Variants in TAF1C observed in about 807,000 individuals in gnomAD.
TAF1C encodes the protein TATA box-binding protein-associated factor RNA polymerase I subunit C.
TAF1C carries 79 observed loss-of-function variants against 70.5 expected under a neutral mutation model. The observed-to-expected ratio is 1.12, with a 90% CI of 0.93 to 1.35. TAF1C has a LOEUF of 1.35. Ranked by LOEUF, TAF1C falls within the 40% of genes most tolerant of loss-of-function variation. TAF1C has a pLI of 0.00. For missense variants in TAF1C, 1,412 were observed against 1,127.8 expected (o/e 1.25, Z -3.61); for synonymous variants, 614 against 491.1 (o/e 1.25, Z -3.31).
chr16:84,184,490 T>A lies in TAF1C; in HGVS notation c.138+361A>T, dbSNP rs142033973. ...CCTCTCCCAACCCTACTATGCTGTT[T>A]CAGCATCCTTCTGCTTTCATTCCAA... On this transcript the variant is annotated intron_variant, in intron 2 of 14. Coordinates refer to ENST00000566732, the MANE Select transcript of TAF1C (RefSeq NM_001243156.2). Among the ~76,000 whole-genome samples, 189 of 152,320 alleles carry A rather than the reference T, an allele frequency of 1.2e-3. 1 individual carries two copies. The highest frequency in any genetic ancestry group is 4.4e-3 in the African/African-American group (185 of 41,574).
At chr16:84,181,560 A>AG (rs2089195744) in intron 10 of TAF1C, 32 bp downstream of exon 10, 2 of 1,613,784 alleles carry the variant, frequency 1.2e-6, no homozygotes. Context: ...TCAGTTCGTT[A>AG]GGGTGGGGGG....
chr16:84,182,153 C>G lies in TAF1C; in HGVS notation c.721+49G>C, dbSNP rs752769668. On this transcript the variant is annotated intron_variant, in intron 7 of 14. Transcript: ENST00000566732. This position sits in a 1 kb window ranked among gnomAD's most constrained non-coding sequence, Gnocchi z 5.0. Reference sequence around the variant, plus strand: ...CTGGACCATGCCAAGAGCACCTCCTCTACCAGAGGCGAGCCCGCTGGAATC... The same window carrying G: ...CTGGACCATGCCAAGAGCACCTCCTGTACCAGAGGCGAGCCCGCTGGAATC... The G allele has an allele frequency of 1.3e-6, 2 of 1,591,948 alleles. No homozygotes were observed. Among genetic ancestry groups the G allele is most frequent in the Non-Finnish European group, 1.7e-6 (2 of 1,167,428 alleles).
At position 84,181,657 on chromosome 16, in the gene TAF1C, G is replaced by C. The variant is rs540320920; in HGVS notation, c.963C>G (p.His321Gln). ...TGCAGATGGCCAGCTCCCCGGGCAG[G>C]TGAGGGCTACAGGGCAGGAATGCAT... is the stretch of plus-strand genomic sequence containing the variant. Reference protein sequence around the residue: ...KGATGISLSPHLPGELAICSR... With the variant: ...KGATGISLSPQLPGELAICSR... The change falls in exon 10 of 15, where the codon CAC (histidine) becomes CAG (glutamine). Residue 321 changes from histidine to glutamine, a missense_variant. By Grantham distance (24) the His-to-Gln change is conservative. Transcript: ENST00000566732. 4 of 1,613,960 alleles carry C rather than the reference G, an allele frequency of 2.5e-6. No homozygotes were observed. In the African/African-American group the frequency reaches 4.0e-5, roughly 16 times the overall value.
In TAF1C at chr16:84,182,074, AG is replaced by A. The variant is rs2089231292; in HGVS notation, c.722-17del. 1.9e-6 allele frequency: 3 copies of A among 1,612,086 alleles called. No individual in the cohort carries two copies. In the South Asian group the frequency reaches 3.3e-5, roughly 18 times the overall value. Reference sequence around the variant, plus strand: ...TCTTGGAAATCTGGGCCTCTCACTAAGGATCAGTGCACGAGCTATGATCACT... The same window carrying A: ...TCTTGGAAATCTGGGCCTCTCACTAAGATCAGTGCACGAGCTATGATCACT... On this transcript the variant is annotated splice_polypyrimidine_tract_variant and intron_variant, in intron 7 of 14. Transcript: ENST00000566732. The surrounding 1 kb of genome is among the most constrained non-coding windows in gnomAD (Gnocchi z 5.0).
At chr16:84,180,477 C>A (rs1328055005) in intron 12 of TAF1C, 133 bp from the exon 13 acceptor site, 3 of 958,994 alleles carry the variant, frequency 3.1e-6, no homozygotes, top group South Asian at 1.7e-5. Context: ...TCAGCCTCCA[C>A]GTGCCTCTCA....
intron 1 of TAF1C, among the ~76,000 whole-genome samples, chr16:84,186,664 A>G (rs1305645095): frequency 6.6e-6 from 1 of 152,252 alleles, no homozygotes; most frequent in Non-Finnish European, 1.5e-5. Flanking sequence ...GCCCTCAGAC[A>G]AGGCAGCCTC....
chr16:84,186,629 T>C (rs1049448330), intron 1 of TAF1C, among the ~76,000 whole-genome samples: 4 of 152,224 alleles, frequency 2.6e-5, no homozygotes, highest in Admixed American at 1.3e-4. Context: ...CGGAGGGCGC[T>C]GGTGGAGAGC....
At position 84,183,524 on chromosome 16, in the gene TAF1C, G is replaced by A. The variant is rs188024838; in HGVS notation, c.221-17C>T. 4,721 of 1,600,872 alleles carry A rather than the reference G, an allele frequency of 2.9e-3. 31 individuals carry two copies. Among genetic ancestry groups the A allele is most frequent in the South Asian group, 0.011 (1,005 of 89,204 alleles). On this transcript the variant is annotated splice_polypyrimidine_tract_variant and intron_variant, in intron 3 of 14. Transcript: ENST00000566732. The stretch of plus-strand genomic sequence containing the variant: ...CCCAGGGATCTGAGAAGGAGGTTAC[G>A]GAAAGGGCTGGGGAGGGCACAGGAG...
chr16:84,185,456 G>C (rs4150123), intron 1 of TAF1C: 1 of 154,136 alleles, frequency 6.5e-6, no homozygotes, highest in Non-Finnish European at 1.4e-5. Context: ...CCTCTCTCCC[G>C]GCTCGTAAGT....
In TAF1C at chr16:84,178,042, C is replaced by T. The variant is rs577559079; in HGVS notation, c.*899G>A. Reference sequence around the variant, plus strand: ...CATCAGAAACCAGACAGACCCGGGTCCCTGCAAAATCTCAAGTGAGCATTT... The same window carrying T: ...CATCAGAAACCAGACAGACCCGGGTTCCTGCAAAATCTCAAGTGAGCATTT... On this transcript the variant is annotated 3_prime_UTR_variant, in exon 15 of 15. Coordinates refer to ENST00000566732, the MANE Select transcript of TAF1C (RefSeq NM_001243156.2). 8.7e-6 allele frequency: 5 copies of T among 576,654 alleles called. No homozygotes were observed. In the South Asian group the frequency reaches 9.1e-5, roughly 11 times the overall value. The allele number at this position is 576,654 out of a possible 1,614,324, so 35.7% of individuals were successfully genotyped here. A position where few individuals can be genotyped will look rare whatever the true frequency, so the allele number is the denominator to read the frequency against.
chr16:84,185,098 C>T, intron 1 of TAF1C, 38 bp from the exon 2 acceptor site: 1 of 1,347,184 alleles, frequency 7.4e-7, no homozygotes, highest in Non-Finnish European at 1.0e-6. Flanking sequence ...AGCATATGTT[C>T]TTTGAGGAAG....
In TAF1C at chr16:84,182,289, T is replaced by C. The variant is rs767696268; in HGVS notation, c.634A>G (p.Thr212Ala). ...GGAACCCAGGCCAGCGCGCCCCCAG[T>C]GCAGGCCTCATCCAGAAGCAGCTGC... is the stretch of plus-strand genomic sequence containing the variant. ...WEQLLLDEAC[T>A]GGALAWVPGR... Residue 212 changes from threonine to alanine, a missense_variant, in exon 7 of 15, where the codon ACT (threonine) becomes GCT (alanine). Physicochemically the swap from Thr to Ala is moderately conservative, Grantham distance 58. Coordinates refer to ENST00000566732, the MANE Select transcript of TAF1C (RefSeq NM_001243156.2). The surrounding 1 kb of genome is among the most constrained non-coding windows in gnomAD (Gnocchi z 5.0). 1.9e-5 allele frequency: 30 copies of C among 1,612,886 alleles called. No homozygotes were observed. Among genetic ancestry groups the C allele is most frequent in the Middle Eastern group, 1.6e-4 (1 of 6,082 alleles).
In TAF1C at chr16:84,185,083, C is replaced by T. The variant is rs561584080; in HGVS notation, c.-72-23G>A. ...TTCCTGAGGAGTGAAAAGTGCACTA[C>T]GGGAAGCATATGTTCTTTGAGGAAG... is the stretch of plus-strand genomic sequence containing the variant. On this transcript the variant is annotated intron_variant, in intron 1 of 14. Transcript: ENST00000566732. The T allele has an allele frequency of 3.6e-5, 51 of 1,430,034 alleles. 1 individual carries two copies. In the South Asian group the frequency reaches 4.7e-4, roughly 13 times the overall value. 88.6% of individuals were successfully genotyped at this position (1,430,034 alleles called of 1,614,324 possible).
chr16:84,180,228 G>T lies in TAF1C; in HGVS notation c.1425C>A (p.Cys475Ter). ...ARLLPPPRPS[C>*]VQPLLLGGQG... Reference sequence around the variant, plus strand: ...GGCCTCCGAGGAGCAGGGGCTGCACGCAGCTGGGCCGGGGCGGAGGCAGCA... The same window carrying T: ...GGCCTCCGAGGAGCAGGGGCTGCACTCAGCTGGGCCGGGGCGGAGGCAGCA... Residue 475 changes from cysteine (C) to a stop codon, truncating the protein, a stop_gained, in exon 13 of 15, where the codon TGC becomes TGA. Coordinates refer to ENST00000566732, the MANE Select transcript of TAF1C (RefSeq NM_001243156.2). LOFTEE classifies it high-confidence loss of function. 6.5e-7 allele frequency: 1 copy of T among 1,539,128 alleles called. No homozygotes were observed.
rs375408350 is a variant in TAF1C, at chr16:84,179,504, G to A, written c.1969C>T (p.Arg657Cys). ...AGCTGCCCTCGGGCCATGGCCTTGC[G>A]GAGCACACCCAGCCGCTGCCCTTCC... ...EEEGQRLGVL[R>C]KAMARGQLLL... The change falls in exon 15 of 15, where the codon CGC (arginine) becomes TGC (cysteine). Residue 657 changes from arginine to cysteine, a missense_variant. Transcript: ENST00000566732. The A allele has an allele frequency of 1.0e-5, 16 of 1,603,240 alleles. No homozygotes were observed. The highest frequency in any genetic ancestry group is 3.3e-4 in the Middle Eastern group (2 of 6,006).
At position 84,182,973 on chromosome 16, in the gene TAF1C, G is replaced by T; in HGVS notation, c.482+103C>A. ...ACAGCTCAGACTGCATGGAGCAGGG[G>T]GGAAGTGGGTATGACGGAAAGCTGT... On this transcript the variant is annotated intron_variant, in intron 6 of 14. Coordinates refer to ENST00000566732, the MANE Select transcript of TAF1C (RefSeq NM_001243156.2). The surrounding 1 kb of genome is among the most constrained non-coding windows in gnomAD (Gnocchi z 5.0). The T allele has an allele frequency of 8.7e-7, 1 of 1,148,332 alleles. No homozygotes were observed. The highest frequency in any genetic ancestry group is 1.3e-6 in the Non-Finnish European group (1 of 765,366). The allele number at this position is 1,148,332 out of a possible 1,614,324, so 71.1% of individuals were successfully genotyped here.
chr16:84,180,728 G>T lies in TAF1C; in HGVS notation c.1308+315C>A, dbSNP rs146615943. 2.4e-4 allele frequency: 272 copies of T among 1,145,410 alleles called. 2 individuals carry two copies. Among genetic ancestry groups the T allele is most frequent in the African/African-American group, 2.0e-3 (124 of 63,530 alleles). 71.0% of individuals were successfully genotyped at this position (1,145,410 alleles called of 1,614,324 possible). On this transcript the variant is annotated intron_variant, in intron 12 of 14. Coordinates refer to ENST00000566732, the MANE Select transcript of TAF1C (RefSeq NM_001243156.2). ...GGTGGAGGACAGACCTGCTTCCTCAGAGCCCCCGCCTCCTGCACAGCAGAA... is the reference window on the plus strand; with the variant it reads ...GGTGGAGGACAGACCTGCTTCCTCATAGCCCCCGCCTCCTGCACAGCAGAA...
rs2089070436 is a variant in TAF1C at position 84,180,267 on chromosome 16, G to C, written c.1386C>G (p.Leu462=). The stretch of plus-strand genomic sequence containing the variant: ...GCGGAGGCAGCAGTCGGGCCAGCAG[G>C]AGCGGGGAGGGGAGGCCATGGTTCC... The part of the protein sequence containing the change: ...LKWNHGLPSP[L]LLARLLPPPR... The change falls in exon 13 of 15, where the codon CTC becomes CTG. Residue 462 remains leucine (L), a synonymous_variant. Coordinates refer to ENST00000566732, the MANE Select transcript of TAF1C (RefSeq NM_001243156.2). The C allele has an allele frequency of 6.5e-7, 1 of 1,548,498 alleles. No homozygotes were observed. Among genetic ancestry groups the C allele is most frequent in the Non-Finnish European group, 8.7e-7 (1 of 1,148,312 alleles).
At position 84,183,431 on chromosome 16, in the gene TAF1C, G is replaced by C; in HGVS notation, c.297C>G (p.Val99=). 1.2e-6 allele frequency: 2 copies of C among 1,612,538 alleles called. No homozygotes were observed. Among genetic ancestry groups the C allele is most frequent in the Non-Finnish European group, 8.5e-7 (1 of 1,179,232 alleles). ...TCACCTGCTCAGTCACATCCAGCAC[G>C]ACTCGGGGCCGCTTCCGATACCGGC... ...GGCRYRKRPR[V]VLDVTEQISR... The change falls in exon 4 of 15, where the codon GTC becomes GTG. Residue 99 remains valine, a synonymous_variant. Transcript: ENST00000566732.
Sources: allele counts gnomAD v4.1 joint callset (sites outside exome capture counted in the v4.1 genomes callset), GRCh38; gene constraint gnomAD v4.1.1; non-coding constraint Gnocchi (gnomAD v3.1); transcripts MANE v1.5; gene names NCBI Gene and HGNC (gene_info 2026-07-23, HGNC 2026-07-21).